The following ASIC2 variants were observed in gnomAD, a reference collection of about 807,000 sequenced individuals.
ASIC2 encodes acid-sensing ion channel 2.
ASIC2 carries 25 observed loss-of-function variants against 57.3 expected under a neutral mutation model. That is an observed-to-expected ratio of 0.44 (90% CI 0.32 to 0.61). ASIC2 has a LOEUF of 0.61. Among genes scored for constraint, ASIC2 ranks in the 20% least tolerant of loss-of-function variants. The pLI, the probability that ASIC2 is intolerant of heterozygous loss-of-function variation, is 0.06. For synonymous variants in ASIC2, 319 were observed against 307.5 expected (o/e 1.04, Z -0.39); for missense variants, 641 against 738.1 (o/e 0.87, Z 1.52).
intron 1 of ASIC2, among the ~76,000 whole-genome samples, chr17:33,207,952 C>T (rs1483400752): frequency 1.3e-5 from 2 of 152,166 alleles, no homozygotes; most frequent in African/African-American, 4.8e-5. Flanking sequence ...TTCCCTGTTT[C>T]CCTATCTGTG....
chr17:33,622,878 C>T (rs946675958), intron 1 of ASIC2, among the ~76,000 whole-genome samples: 14 of 152,236 alleles, frequency 9.2e-5, no homozygotes, highest in Non-Finnish European at 1.8e-4. Flanking sequence ...AACACAACCA[C>T]TTAACTCAGT....
intron 1 of ASIC2, among the ~76,000 whole-genome samples, chr17:33,173,524 C>T (rs186341818): frequency 6.6e-6 from 1 of 152,130 alleles, no homozygotes; most frequent in African/African-American, 2.4e-5. Flanking sequence ...CCCCTTCCTG[C>T]CTCCTGGAGG....
intron 1 of ASIC2, among the ~76,000 whole-genome samples, chr17:33,415,056 AC>A (rs1297750820): frequency 6.6e-5 from 10 of 152,148 alleles, no homozygotes; most frequent in Non-Finnish European, 1.3e-4. Context: ...CAGTCATACC[AC>A]CCTGTGGGGA....
chr17:33,130,138 C>A (rs1160777265), intron 1 of ASIC2, among the ~76,000 whole-genome samples: 1 of 152,140 alleles, frequency 6.6e-6, no homozygotes, highest in Non-Finnish European at 1.5e-5. Context: ...GAACCTGGTG[C>A]CTTCTCTACT....
In ASIC2 at chr17:33,464,568, TCTC is replaced by T. The variant is rs200802808; in HGVS notation, c.556-352504_556-352502del. ...TTTCTTTCTTTCTTTCTTTCTTTTCTCTCTTTCTCTCTTTATCTCTTTCTTTCT... is the reference window on the plus strand; with the variant it reads ...TTTCTTTCTTTCTTTCTTTCTTTTCTTTTCTCTCTTTATCTCTTTCTTTCT... On this transcript the variant is annotated intron_variant, in intron 1 of 9. Transcript: ENST00000359872. 8.6e-4 allele frequency among the ~76,000 whole-genome samples: 74 copies of T among 85,740 alleles called. 2 individuals carry two copies. The highest frequency in any genetic ancestry group is 3.2e-3 in the African/African-American group (70 of 21,844). 56.2% of individuals were successfully genotyped at this position (85,740 alleles called of 152,430 possible). A position where few individuals can be genotyped will look rare whatever the true frequency, so the allele number is the denominator to read the frequency against.
At chr17:33,666,479 C>G (rs1247296857) in intron 1 of ASIC2, among the ~76,000 whole-genome samples, 1 of 152,256 alleles carries the variant, frequency 6.6e-6, no homozygotes, top group Non-Finnish European at 1.5e-5. Context: ...AGGCTCAAAG[C>G]CCCCAGAGGG....
intron 1 of ASIC2, among the ~76,000 whole-genome samples, chr17:33,697,526 C>CGGTT (rs1908564561): frequency 6.6e-6 from 1 of 152,166 alleles, no homozygotes; most frequent in Admixed American, 6.5e-5. Flanking sequence ...AAGAAAGGGA[C>CGGTT]GGTTCCCTTT....
At chr17:33,637,527 A>G (rs1298956522) in intron 1 of ASIC2, among the ~76,000 whole-genome samples, 1 of 152,174 alleles carries the variant, frequency 6.6e-6, no homozygotes, top group Non-Finnish European at 1.5e-5. Context: ...TTTGTTCCCA[A>G]GTTTTGATGA....
At chr17:33,838,654 G>A (rs1405050886) in intron 1 of ASIC2, among the ~76,000 whole-genome samples, 1 of 152,086 alleles carries the variant, frequency 6.6e-6, no homozygotes, top group Admixed American at 6.5e-5. Flanking sequence ...GTGTGCCTCT[G>A]TACACAACAA....
rs375695905 is a variant in ASIC2 at position 33,827,337 on chromosome 17, C to CTTTTTTTTTT, written c.555+328631_555+328640dup. ...GGACTAGGTCCTGTTGCAGCTCACT[C>CTTTTTTTTTT]TTTTTTTTTTTTGAGACAGAGTCTT... On this transcript the variant is annotated intron_variant, in intron 1 of 9. Transcript: ENST00000359872. Among the ~76,000 whole-genome samples, 130 of 76,528 alleles carry CTTTTTTTTTT rather than the reference C, an allele frequency of 1.7e-3. 20 individuals are homozygous for CTTTTTTTTTT. The highest frequency in any genetic ancestry group is 3.6e-3 in the East Asian group (12 of 3,312). 50.2% of individuals were successfully genotyped at this position (76,528 alleles called of 152,430 possible).
chr17:33,502,781 C>T (rs570870910), intron 1 of ASIC2, among the ~76,000 whole-genome samples: 90 of 152,302 alleles, frequency 5.9e-4, no homozygotes, highest in African/African-American at 2.1e-3. Context: ...TGATTTCCTT[C>T]GATAACTTTT....
intron 1 of ASIC2, among the ~76,000 whole-genome samples, chr17:33,438,479 G>A (rs1426412270): frequency 6.6e-6 from 1 of 151,858 alleles, no homozygotes; most frequent in African/African-American, 2.4e-5. Context: ...TTATAAGCTG[G>A]AATCTTCACA....
chr17:33,749,838 T>C (rs1165280032), intron 1 of ASIC2, among the ~76,000 whole-genome samples: 2 of 152,128 alleles, frequency 1.3e-5, no homozygotes, highest in East Asian at 1.9e-4. Flanking sequence ...AGAGGGTTAT[T>C]GGCAGGTACA....
intron 5 of ASIC2, among the ~76,000 whole-genome samples, chr17:33,024,338 A>G (rs2091850741): frequency 6.6e-6 from 1 of 152,034 alleles, no homozygotes; most frequent in Non-Finnish European, 1.5e-5. Context: ...ATTCTCATCC[A>G]CAGAGAATGA....
At chr17:33,690,109 A>G (rs944954455) in intron 1 of ASIC2, among the ~76,000 whole-genome samples, 1 of 152,250 alleles carries the variant, frequency 6.6e-6, no homozygotes, top group Non-Finnish European at 1.5e-5. Context: ...CAAACTCACA[A>G]TGATAAGGCA....
At chr17:33,295,657 C>T (rs552196481), upstream of ASIC2, among the ~76,000 whole-genome samples, 2 of 152,236 alleles carry the variant, frequency 1.3e-5, no homozygotes, top group Admixed American at 6.5e-5. Context: ...GACTACACCT[C>T]CTTCATATTT....
intron 1 of ASIC2, among the ~76,000 whole-genome samples, chr17:33,973,291 C>T (rs1905273995): frequency 6.6e-6 from 1 of 152,166 alleles, no homozygotes; most frequent in Non-Finnish European, 1.5e-5. Flanking sequence ...CTAGGGAGAG[C>T]AGCCAGCACA....
intron 1 of ASIC2, among the ~76,000 whole-genome samples, chr17:33,986,803 T>C (rs573009154): frequency 1.1e-4 from 17 of 152,258 alleles, no homozygotes; most frequent in Non-Finnish European, 2.4e-4. Flanking sequence ...GGAGATTAAG[T>C]AGCTTACAGA....
chr17:33,823,721 T>C lies in ASIC2; in HGVS notation c.555+332257A>G, dbSNP rs115782404. Among the ~76,000 whole-genome samples the C allele has an allele frequency of 8.9e-3, 1,351 of 152,300 alleles. 17 individuals are homozygous for C. Among genetic ancestry groups the C allele is most frequent in the African/African-American group, 0.03 (1,267 of 41,558 alleles). On this transcript the variant is annotated intron_variant, in intron 1 of 9. Transcript: ENST00000359872. ...CCAGTAATCCCAGACCTCTTCTGGG[T>C]TAGATAGAAGGCAGATCTGGGTACT... is the stretch of plus-strand genomic sequence containing the variant.
Sources: allele counts gnomAD v4.1 joint callset (sites outside exome capture counted in the v4.1 genomes callset), GRCh38; gene constraint gnomAD v4.1.1; transcripts MANE v1.5; gene names NCBI Gene and HGNC (gene_info 2026-07-23, HGNC 2026-07-21).